Variants in IST1 observed in about 807,000 individuals in gnomAD.
IST1 encodes the protein IST1 homolog.
IST1 carries 23 observed loss-of-function variants against 37.0 expected under a neutral mutation model. The ratio of observed to expected loss-of-function variants is 0.62; its 90% CI spans 0.45 to 0.88. The LOEUF (loss-of-function observed/expected upper bound fraction) is 0.88, where lower values mean the gene tolerates loss of function less well. Ranked by LOEUF, IST1 falls within the 40% of genes least tolerant of loss-of-function variation. IST1 has a pLI of 0.00. For synonymous variants in IST1, 180 were observed against 161.7 expected (o/e 1.11, Z -0.86); for missense variants, 488 against 445.4 (o/e 1.10, Z -0.86).
chr16:71,924,012 C>T lies in IST1; in HGVS notation c.852+632C>T, dbSNP rs538716981. ...GAGAAACAAATTGGTGTGGCATTTGCTATGTAAATTACTCATCTAGGAAGA... is the reference window on the plus strand; with the variant it reads ...GAGAAACAAATTGGTGTGGCATTTGTTATGTAAATTACTCATCTAGGAAGA... On this transcript the variant is annotated intron_variant, in intron 8 of 9. Coordinates refer to ENST00000378799, the MANE Select transcript of IST1 (RefSeq NM_001270975.2). 1.4e-5 allele frequency: 6 copies of T among 417,804 alleles called. No homozygotes were observed. In the East Asian group the frequency reaches 4.3e-4, roughly 30 times the overall value. 25.9% of individuals were successfully genotyped at this position (417,804 alleles called of 1,614,324 possible). A position where few individuals can be genotyped will look rare whatever the true frequency, so the allele number is the denominator to read the frequency against.
At position 71,927,759 on chromosome 16, in the gene IST1, C is replaced by G. The variant is rs754426235; in HGVS notation, c.1047C>G (p.Asp349Glu). The change falls in exon 10 of 10, where the codon GAC becomes GAG. Residue 349 changes from aspartate (D) to glutamate (E), a missense_variant. Coordinates refer to ENST00000378799, the MANE Select transcript of IST1 (RefSeq NM_001270975.2). ...SAGASTSASE[D>E]IDFDDLSRRF... ...GTGCCAGCACCTCAGCATCTGAAGA[C>G]ATTGACTTTGATGATCTTTCCCGGA... 61 of 1,614,032 alleles carry G rather than the reference C, an allele frequency of 3.8e-5. No individual in the cohort carries two copies. The highest frequency in any genetic ancestry group is 5.1e-5 in the Non-Finnish European group (60 of 1,180,000).
chr16:71,929,624 T>A lies in IST1; in HGVS notation c.*1811T>A. On this transcript the variant is annotated 3_prime_UTR_variant, in exon 10 of 10. Coordinates refer to ENST00000378799, the MANE Select transcript of IST1 (RefSeq NM_001270975.2). The stretch of plus-strand genomic sequence containing the variant: ...GATGAGGTTTTTTGGGGCCAACTGA[T>A]TCCTAACAAATTTGAGAGCTTCTGT... 1 of 1,551,834 alleles carries A rather than the reference T, an allele frequency of 6.4e-7. No individual in the cohort carries two copies. The highest frequency in any genetic ancestry group is 1.2e-5 in the South Asian group (1 of 84,056).
chr16:71,922,738 C>A, intron 7 of IST1, 58 bp downstream of exon 7: 1 of 1,393,520 alleles, frequency 7.2e-7, no homozygotes, highest in Non-Finnish European at 1.0e-6. Flanking sequence ...AACAAGTTGG[C>A]TCTGTGAACA....
At chr16:71,912,232 CTCCATTATAAAAATTTTTTT>C (rs2037371223) in intron 1 of IST1, among the ~76,000 whole-genome samples, 1 of 151,932 alleles carries the variant, frequency 6.6e-6, no homozygotes, top group African/African-American at 2.4e-5. Flanking sequence ...CCTGTTCTGT[CTCCATTATAAAAATTTTTTT>C]TTTGAGACGG....
intron 1 of IST1, among the ~76,000 whole-genome samples, chr16:71,912,478 C>T (rs1597244898): frequency 6.6e-6 from 1 of 152,144 alleles, no homozygotes; most frequent in Non-Finnish European, 1.5e-5. Flanking sequence ...ACTTCGTGAT[C>T]TGCCCACCTC....
chr16:71,927,529 G>T, intron 9 of IST1, 85 bp from the exon 10 acceptor site: 1 of 982,240 alleles, frequency 1.0e-6, no homozygotes, highest in Non-Finnish European at 1.6e-6. Context: ...TTTCTCCTGT[G>T]TTTTGATCAT....
At chr16:71,901,646 G>A (rs2037111412) in intron 1 of IST1, among the ~76,000 whole-genome samples, 1 of 152,106 alleles carries the variant, frequency 6.6e-6, no homozygotes, top group Non-Finnish European at 1.5e-5. Flanking sequence ...CGTAAAATGG[G>A]GATCTGTTGA....
chr16:71,894,701 T>TTA, upstream of IST1: 1 of 477,096 alleles, frequency 2.1e-6, no homozygotes, highest in African/African-American at 2.0e-5. Context: ...TTTTTAACTT[T>TTA]TTTTTTTTTT....
intron 4 of IST1, among the ~76,000 whole-genome samples, chr16:71,918,518 G>T (rs1293022113): frequency 1.3e-5 from 2 of 151,414 alleles, no homozygotes; most frequent in African/African-American, 2.4e-5. Context: ...CTGGGTTGAA[G>T]CGATTCTTTT....
Position 71,895,557 on chromosome 16 carries a change from G to A in IST1, c.-48G>A. 1 of 985,696 alleles carries A rather than the reference G, an allele frequency of 1.0e-6. No individual in the cohort carries two copies. The highest frequency in any genetic ancestry group is 1.2e-6 in the Non-Finnish European group (1 of 830,046). 61.1% of individuals were successfully genotyped at this position (985,696 alleles called of 1,614,324 possible). A position where few individuals can be genotyped will look rare whatever the true frequency, so the allele number is the denominator to read the frequency against. On this transcript the variant is annotated 5_prime_UTR_variant, in exon 1 of 10. In the 5' UTR this introduces an upstream ATG that the reference lacks. Transcript: ENST00000378799. Reference sequence around the variant, plus strand: ...TTTTGGATGGTGAACCCTGAAGTCGGTGTCTGCTGCGTTCACGGCAGGATT... The same window carrying A: ...TTTTGGATGGTGAACCCTGAAGTCGATGTCTGCTGCGTTCACGGCAGGATT...
At position 71,926,983 on chromosome 16, in the gene IST1, T is replaced by G. The variant is rs150982047; in HGVS notation, c.902-631T>G. Among the ~76,000 whole-genome samples, 10 of 152,300 alleles carry G rather than the reference T, an allele frequency of 6.6e-5. No individual in the cohort carries two copies. In the East Asian group the frequency reaches 1.9e-3, roughly 29 times the overall value. On this transcript the variant is annotated intron_variant, in intron 9 of 9. Transcript: ENST00000378799. ...AGAATGTTGGTTCTTAAGGAAGCAG[T>G]GTTTGTTCTATCAGAATCCTATTAT...
At chr16:71,900,900 T>C (rs2037093469) in intron 1 of IST1, among the ~76,000 whole-genome samples, 1 of 152,154 alleles carries the variant, frequency 6.6e-6, no homozygotes, top group African/African-American at 2.4e-5. Flanking sequence ...AAATATTTGG[T>C]GAGTGAGTGA....
intron 7 of IST1, 90 bp downstream of exon 7, chr16:71,922,770 C>G (rs1396887412): frequency 1.9e-6 from 2 of 1,071,550 alleles, no homozygotes; most frequent in East Asian, 2.6e-5. Context: ...CATAGGTTGT[C>G]AGGAGCCATT....
upstream of IST1, chr16:71,894,716 T>TTTTTG: frequency 5.4e-6 from 3 of 557,206 alleles, 1 homozygote; most frequent in South Asian, 2.5e-5. Context: ...TTTTTTTTTT[T>TTTTTG]GTAGCGATGC....
intron 1 of IST1, among the ~76,000 whole-genome samples, chr16:71,912,533 G>A (rs182806426): frequency 3.1e-4 from 47 of 152,194 alleles, no homozygotes; most frequent in Middle Eastern, 3.4e-3. Context: ...CACCGCGCCC[G>A]GCCTAAAATA....
At chr16:71,914,115 G>GTTGTTTGTTTGTTGT (rs10681144) in intron 1 of IST1, among the ~76,000 whole-genome samples, 1 of 150,756 alleles carries the variant, frequency 6.6e-6, no homozygotes, top group African/African-American at 2.4e-5. Flanking sequence ...GCTGGTTTTT[G>GTTGTTTGTTTGTTGT]TTGTTTGTTG....
chr16:71,929,404 A>C lies in IST1; in HGVS notation c.*1591A>C. 2 of 873,270 alleles carry C rather than the reference A, an allele frequency of 2.3e-6. No individual in the cohort carries two copies. The highest frequency in any genetic ancestry group is 1.7e-6 in the Non-Finnish European group (1 of 593,066). 54.1% of individuals were successfully genotyped at this position (873,270 alleles called of 1,614,324 possible). A position where few individuals can be genotyped will look rare whatever the true frequency, so the allele number is the denominator to read the frequency against. Reference sequence around the variant, plus strand: ...CTTGACAGTGCCAAGATCCATAAGAACTTGGGACCAAGGGGATTTTGATTC... The same window carrying C: ...CTTGACAGTGCCAAGATCCATAAGACCTTGGGACCAAGGGGATTTTGATTC... On this transcript the variant is annotated 3_prime_UTR_variant, in exon 10 of 10. Transcript: ENST00000378799.
At chr16:71,903,124 G>T (rs890178068) in intron 1 of IST1, 1 of 152,192 alleles carries the variant, frequency 6.6e-6, no homozygotes, top group Non-Finnish European at 1.5e-5. Context: ...GACTCCAGGT[G>T]TGTGCCACCA....
At chr16:71,900,439 C>G (rs371077400) in intron 1 of IST1, among the ~76,000 whole-genome samples, 1 of 138,282 alleles carries the variant, frequency 7.2e-6, no homozygotes, top group African/African-American at 2.7e-5. Context: ...AGTTCTGATT[C>G]TTTTCCTCCT....
Sources: gnomAD v4.1 joint callset for allele counts (sites outside exome capture counted in the v4.1 genomes callset) on GRCh38, gnomAD v4.1.1 for gene constraint, MANE v1.5 for transcripts, NCBI Gene and HGNC (gene_info 2026-07-23, HGNC 2026-07-21) for gene names.